Variants in MADD observed in about 807,000 individuals in gnomAD.
MADD encodes the protein MAP kinase activating death domain.
A neutral mutation model predicts 176.7 loss-of-function variants in MADD; 109 were observed. The ratio of observed to expected loss-of-function variants is 0.62; its 90% CI spans 0.53 to 0.72. The LOEUF is 0.72. Ranked by LOEUF, MADD falls within the 30% of genes least tolerant of loss-of-function variation. The probability of loss-of-function intolerance (pLI) is 0.00; values close to 1 mark genes in which losing one functional copy is unlikely to be tolerated. For synonymous variants in MADD, 771 were observed against 771.3 expected (o/e 1.00, Z 0.01); for missense variants, 1,914 against 2,045.5 (o/e 0.94, Z 1.24).
At chr11:47,300,520 CAG>C (rs1328693665) in intron 22 of MADD, among the ~76,000 whole-genome samples, 2 of 149,760 alleles carry the variant, frequency 1.3e-5, no homozygotes, top group Non-Finnish European at 3.0e-5. Flanking sequence ...TTCTTTGAGA[CAG>C]AGTCTCGCTC....
chr11:47,289,265 C>T, intron 15 of MADD, 126 bp from the exon 17 acceptor site: 2 of 857,068 alleles, frequency 2.3e-6, no homozygotes, highest in Non-Finnish European at 1.9e-6. Flanking sequence ...ACGTATGATG[C>T]CTTGGTGCTA....
intron 12 of MADD, 27 bp downstream of exon 12, chr11:47,284,592 G>C (rs377164754): frequency 2.4e-4 from 383 of 1,608,068 alleles, no homozygotes; most frequent in Non-Finnish European, 3.0e-4. Context: ...GGATGAGTGA[G>C]AACCATGGCC....
intron 5 of MADD, 42 bp downstream of exon 5, chr11:47,276,905 C>G (rs1406240368): frequency 2.5e-6 from 4 of 1,608,010 alleles, no homozygotes; most frequent in African/African-American, 1.3e-5. Context: ...CCTCTGTCTT[C>G]CTGAGGGAGG....
chr11:47,311,324 C>G (rs6485749), intron 25 of MADD, among the ~76,000 whole-genome samples: 151,321 of 152,322 alleles, frequency 0.99, 75,166 homozygotes, highest in East Asian at 1. Flanking sequence ...GGCTGAGAAA[C>G]GATGATGATC....
At chr11:47,287,535 G>A (rs982241876) in intron 15 of MADD, among the ~76,000 whole-genome samples, 2 of 151,976 alleles carry the variant, frequency 1.3e-5, no homozygotes, top group African/African-American at 4.8e-5. Flanking sequence ...TCAGCCTCCC[G>A]TGTAGTTGGA....
In MADD at chr11:47,325,489, C is replaced by T. The variant is rs1257545555; in HGVS notation, c.4542+912C>T. 2.0e-5 allele frequency among the ~76,000 whole-genome samples: 3 copies of T among 152,200 alleles called. No homozygotes were observed. The highest frequency in any genetic ancestry group is 3.8e-4 in the East Asian group (2 of 5,200). On this transcript the variant is annotated intron_variant, in intron 30 of 32. Coordinates refer to ENST00000402192, the Ensembl canonical transcript of MADD. This position sits in a 1 kb window ranked among gnomAD's most constrained non-coding sequence, Gnocchi z 4.5. ...TCAGGGGAGGTGGATGCCTGACTGA[C>T]GTGGCTGTCTCCCTCCCTCCGCTAG...
At chr11:47,319,956 T>C (rs1198915128) in intron 27 of MADD, among the ~76,000 whole-genome samples, 1 of 124,246 alleles carries the variant, frequency 8.0e-6, no homozygotes, top group Non-Finnish European at 1.6e-5. Flanking sequence ...ATGCCACTGC[T>C]CTCCAGCCTG....
intron 31 of MADD, 99 bp from the exon 36 acceptor site, chr11:47,328,559 A>C: frequency 6.4e-7 from 1 of 1,572,650 alleles, no homozygotes; most frequent in Non-Finnish European, 8.6e-7. Context: ...CACAGAGGGG[A>C]AGGGGACCCT....
At chr11:47,296,037 T>G in exon 22 of MADD, 1 of 1,613,952 alleles carries the variant, frequency 6.2e-7, no homozygotes, top group Non-Finnish European at 8.5e-7. Flanking sequence ...AGACCAACTC[T>G]GCCACAAGCA....
chr11:47,281,548 G>A, intron 7 of MADD, 27 bp from the exon 8 acceptor site: 1 of 1,573,826 alleles, frequency 6.4e-7, no homozygotes, highest in Admixed American at 1.7e-5. Flanking sequence ...CGTTCCTTGT[G>A]TAAGGAATTT....
chr11:47,327,264 G>A (rs763154553), intron 31 of MADD: 26 of 994,070 alleles, frequency 2.6e-5, no homozygotes, highest in Admixed American at 5.7e-5. Context: ...ACCGGGCGTC[G>A]CAGGCAGACT....
At chr11:47,281,546 G>C (rs1206152528) in intron 7 of MADD, 29 bp from the exon 8 acceptor site, 2 of 1,571,722 alleles carry the variant, frequency 1.3e-6, no homozygotes, top group African/African-American at 2.7e-5. Context: ...GACGTTCCTT[G>C]TGTAAGGAAT....
At chr11:47,284,481 C>T in exon 12 of MADD, 4 of 1,614,122 alleles carry the variant, frequency 2.5e-6, no homozygotes, top group Non-Finnish European at 3.4e-6. Flanking sequence ...ACAGTGAGAA[C>T]TCTCAGGAAA....
chr11:47,319,475 C>T (rs1413571614), intron 27 of MADD, among the ~76,000 whole-genome samples: 5 of 151,814 alleles, frequency 3.3e-5, no homozygotes, highest in African/African-American at 9.7e-5. Context: ...TTTTTAGTTA[C>T]AGAAGTAAAA....
exon 3 of MADD, chr11:47,274,934 T>C: frequency 6.2e-7 from 1 of 1,614,022 alleles, no homozygotes; most frequent in East Asian, 2.2e-5. Flanking sequence ...CTGCAGCCTC[T>C]CAGTGCTGAC....
At position 47,276,562 on chromosome 11, in the gene MADD, T is replaced by A. The variant is rs547306562; in HGVS notation, c.964-170T>A. On this transcript the variant is annotated intron_variant, in intron 4 of 32. Coordinates refer to ENST00000402192, the Ensembl canonical transcript of MADD. ...ATCTCAGGTGACTGAGGATCACCAT[T>A]GTGCCTGGATTGGGAGGTGGCAGGC... The A allele has an allele frequency of 1.0e-4, 73 of 714,026 alleles. No individual in the cohort carries two copies. In the African/African-American group the frequency reaches 1.2e-3, roughly 11 times the overall value. 44.2% of individuals were successfully genotyped at this position (714,026 alleles called of 1,614,324 possible).
At chr11:47,300,299 C>T (rs189411258) in intron 22 of MADD, among the ~76,000 whole-genome samples, 30 of 151,344 alleles carry the variant, frequency 2.0e-4, no homozygotes, top group East Asian at 9.7e-4. Flanking sequence ...CCCCGCCTCC[C>T]GGGTTCAAGC....
chr11:47,293,977 T>G, exon 20 of MADD: 1 of 1,613,590 alleles, frequency 6.2e-7, no homozygotes, highest in Non-Finnish European at 8.5e-7. Flanking sequence ...TGACGTCTAG[T>G]TCCCAGGTTT....
At chr11:47,308,345 C>G (rs1052986739) in intron 22 of MADD, among the ~76,000 whole-genome samples, 4 of 152,106 alleles carry the variant, frequency 2.6e-5, no homozygotes, top group Admixed American at 2.6e-4. Context: ...GTTTTTGTTG[C>G]TTTAAAGAGA....
Sources: allele counts gnomAD v4.1 joint callset (sites outside exome capture counted in the v4.1 genomes callset), GRCh38; gene constraint gnomAD v4.1.1; non-coding constraint Gnocchi (gnomAD v3.1); transcripts MANE v1.5; gene names NCBI Gene and HGNC (gene_info 2026-07-23, HGNC 2026-07-21).